Variants in ADAM22 observed in about 807,000 individuals in gnomAD.
The protein encoded by ADAM22 is ADAM metallopeptidase domain 22, also known as disintegrin and metalloproteinase domain-containing protein 22.
Under a neutral mutation model 144.6 loss-of-function variants are expected in ADAM22, and 65 were observed. That is an observed-to-expected ratio of 0.45 (90% CI 0.37 to 0.55). The LOEUF is 0.55. Among genes scored for constraint, ADAM22 ranks in the 20% least tolerant of loss-of-function variants. The probability of loss-of-function intolerance (pLI) is 0.00; values close to 1 mark genes in which losing one functional copy is unlikely to be tolerated. For synonymous variants in ADAM22, 391 were observed against 412.6 expected (o/e 0.95, Z 0.63); for missense variants, 974 against 1,184.9 (o/e 0.82, Z 2.61).
intron 5 of ADAM22, among the ~76,000 whole-genome samples, chr7:88,108,516 G>T (rs1825103949): frequency 6.6e-6 from 1 of 151,956 alleles, no homozygotes; most frequent in South Asian, 2.1e-4. Context: ...ATCACCTGAG[G>T]TCAGGAGTTC....
intron 2 of ADAM22, among the ~76,000 whole-genome samples, chr7:87,976,334 A>G (rs1444558087): frequency 2.6e-5 from 4 of 152,230 alleles, no homozygotes; most frequent in African/African-American, 4.8e-5. Flanking sequence ...ACATGAGGTC[A>G]TAAGGGTGGG....
At chr7:88,163,674 C>T (rs1842293662) in intron 23 of ADAM22, among the ~76,000 whole-genome samples, 1 of 151,988 alleles carries the variant, frequency 6.6e-6, no homozygotes, top group Non-Finnish European at 1.5e-5. Context: ...GGAAATGTTT[C>T]TTACAGATGA....
intron 2 of ADAM22, among the ~76,000 whole-genome samples, chr7:87,967,362 T>C (rs1225539033): frequency 6.6e-6 from 1 of 152,138 alleles, no homozygotes; most frequent in Non-Finnish European, 1.5e-5. Context: ...ATGAAGTAGC[T>C]CTTTAAAAAA....
chr7:88,145,031 G>A (rs1459525699), intron 15 of ADAM22, 94 bp from the exon 16 acceptor site: 2 of 971,004 alleles, frequency 2.1e-6, no homozygotes, highest in Non-Finnish European at 3.1e-6. Context: ...ATGACTGGCA[G>A]GGCAGGTATA....
intron 3 of ADAM22, among the ~76,000 whole-genome samples, chr7:88,067,298 A>T (rs1455287130): frequency 6.6e-6 from 1 of 150,464 alleles, no homozygotes; most frequent in African/African-American, 2.5e-5. Flanking sequence ...CACAATGTGC[A>T]GGTTAGTTAC....
intron 14 of ADAM22, among the ~76,000 whole-genome samples, chr7:88,139,411 T>C (rs181777345): frequency 1.3e-5 from 2 of 149,530 alleles, no homozygotes; most frequent in East Asian, 3.9e-4. Context: ...AGAGTGAGAC[T>C]CCATCTCTAA....
intron 3 of ADAM22, among the ~76,000 whole-genome samples, chr7:88,072,924 C>A (rs1009983887): frequency 6.6e-6 from 1 of 152,156 alleles, no homozygotes; most frequent in South Asian, 2.1e-4. Context: ...TTGCCTGAGG[C>A]AGGTCTTTCC....
Position 88,170,454 on chromosome 7 carries a change from TA to T in ADAM22, c.2283-1079del, listed in dbSNP as rs976639643. Among the ~76,000 whole-genome samples the T allele has an allele frequency of 6.0e-3, 885 of 146,436 alleles. 9 individuals carry two copies. Among genetic ancestry groups the T allele is most frequent in the African/African-American group, 0.02 (794 of 40,320 alleles). On this transcript the variant is annotated intron_variant, in intron 25 of 31. Transcript: ENST00000413139. ...CCTTGGGGTGGAGAATAGCAGGAAT[TA>T]AAAAAAAAAATAAAGTAGAATGCTC...
intron 4 of ADAM22, among the ~76,000 whole-genome samples, chr7:88,097,652 A>G (rs979804204): frequency 2.5e-4 from 38 of 150,870 alleles, no homozygotes; most frequent in African/African-American, 9.2e-4. Context: ...AACAACAAAC[A>G]TCTTTTTCAG....
chr7:88,112,653 A>G (rs1419392393), intron 5 of ADAM22, among the ~76,000 whole-genome samples: 1 of 152,204 alleles, frequency 6.6e-6, no homozygotes, highest in Non-Finnish European at 1.5e-5. Context: ...AGTGCTCTCC[A>G]GAGGATTTCT....
rs560218492 is a variant in ADAM22 at position 88,198,519 on chromosome 7, T to G, written c.*2028T>G. On this transcript the variant is annotated 3_prime_UTR_variant, in exon 32 of 32. Coordinates refer to ENST00000413139, the MANE Select transcript of ADAM22 (RefSeq NM_001324418.2). The stretch of plus-strand genomic sequence containing the variant: ...AGATTGAAAGATGTAGCAAATAAAG[T>G]GACTTTTTACCAAGATCACTGTAAC... 1 of 152,324 alleles carries G rather than the reference T, an allele frequency of 6.6e-6. No homozygotes were observed. Among genetic ancestry groups the G allele is most frequent in the Admixed American group, 6.5e-5 (1 of 15,308 alleles). The allele number at this position is 152,324 out of a possible 1,614,324, so 9.4% of individuals were successfully genotyped here.
At chr7:88,043,410 G>A (rs909209603) in intron 3 of ADAM22, among the ~76,000 whole-genome samples, 1 of 151,684 alleles carries the variant, frequency 6.6e-6, no homozygotes, top group Non-Finnish European at 1.5e-5. Flanking sequence ...GTGTAAACCT[G>A]GGTGGCAGAG....
intron 4 of ADAM22, among the ~76,000 whole-genome samples, chr7:88,086,903 C>G (rs1418602113): frequency 6.6e-6 from 1 of 152,146 alleles, no homozygotes; most frequent in Admixed American, 6.5e-5. Flanking sequence ...TATTATAATG[C>G]TAACAGTAAT....
At chr7:88,055,380 CT>C (rs1003672183) in intron 3 of ADAM22, among the ~76,000 whole-genome samples, 4 of 151,038 alleles carry the variant, frequency 2.6e-5, no homozygotes, top group South Asian at 2.1e-4. Flanking sequence ...AAAAAAATCG[CT>C]TTTTTTTTCT....
At chr7:88,188,172 T>G (rs912741389) in intron 30 of ADAM22, among the ~76,000 whole-genome samples, 1 of 152,142 alleles carries the variant, frequency 6.6e-6, no homozygotes, top group Non-Finnish European at 1.5e-5. Flanking sequence ...CAAAACAGAA[T>G]GACTTTCATC....
chr7:88,078,514 T>G (rs935414108), intron 4 of ADAM22, among the ~76,000 whole-genome samples: 1 of 152,194 alleles, frequency 6.6e-6, no homozygotes, highest in Admixed American at 6.5e-5. Context: ...TTTGACGAGT[T>G]GAGAGAAGAA....
At chr7:88,127,854 A>G (rs1830801154) in intron 8 of ADAM22, among the ~76,000 whole-genome samples, 1 of 152,094 alleles carries the variant, frequency 6.6e-6, no homozygotes, top group South Asian at 2.1e-4. Context: ...CTAACTGTAG[A>G]GAACAAAGAG....
chr7:88,173,424 G>A (rs906488519), intron 26 of ADAM22, among the ~76,000 whole-genome samples: 13 of 151,960 alleles, frequency 8.6e-5, no homozygotes, highest in Admixed American at 8.5e-4. Context: ...ATGAATATTA[G>A]GTTTGTACAG....
Position 88,165,812 on chromosome 7 carries a change from A to G in ADAM22, c.2077-20A>G. 1 of 1,543,098 alleles carries G rather than the reference A, an allele frequency of 6.5e-7. No individual in the cohort carries two copies. The highest frequency in any genetic ancestry group is 1.2e-5 in the South Asian group (1 of 86,340). On this transcript the variant is annotated intron_variant, in intron 23 of 31. Coordinates refer to ENST00000413139, the MANE Select transcript of ADAM22 (RefSeq NM_001324418.2). The stretch of plus-strand genomic sequence containing the variant: ...GTACCAGAGAGTTGACATTTACTCT[A>G]GCTTGATTTTGGATCTCAGGTTTGC...
Sources: allele counts gnomAD v4.1 joint callset (sites outside exome capture counted in the v4.1 genomes callset), GRCh38; gene constraint gnomAD v4.1.1; transcripts MANE v1.5; gene names NCBI Gene and HGNC (gene_info 2026-07-23, HGNC 2026-07-21).